The following SCN2A variants were observed in gnomAD, a reference collection of about 807,000 sequenced individuals.
SCN2A encodes sodium voltage-gated channel alpha subunit 2.
SCN2A carries 20 observed loss-of-function variants against 188.7 expected under a neutral mutation model. The observed-to-expected ratio is 0.11, with a 90% confidence interval of 0.07 to 0.15. SCN2A has a LOEUF of 0.15. SCN2A is among the 10% of genes least tolerant of loss of function. SCN2A has a pLI of 1.00. For synonymous variants in SCN2A, 804 were observed against 833.1 expected (o/e 0.97, Z 0.60); for missense variants, 1,278 against 2,445.0 (o/e 0.52, Z 10.07).
intron 5 of SCN2A, 71 bp from the exon 6 acceptor site, chr2:165,309,281 G>T: frequency 1.2e-6 from 2 of 1,612,396 alleles, no homozygotes; most frequent in East Asian, 2.2e-5. Flanking sequence ...GTATAAGGTG[G>T]TAGGCCCCTT....
intron 1 of SCN2A, chr2:165,294,087 G>T: frequency 1.0e-6 from 1 of 967,522 alleles, no homozygotes; most frequent in Non-Finnish European, 1.2e-6. Flanking sequence ...CAGTCTTCTT[G>T]GTGCCAGCTT....
At chr2:165,388,376 T>C (rs1434268814) in intron 26 of SCN2A, among the ~76,000 whole-genome samples, 1 of 152,168 alleles carries the variant, frequency 6.6e-6, no homozygotes, top group African/African-American at 2.4e-5. Flanking sequence ...CAGGGTTGAG[T>C]CATTTTTTTG....
At chr2:165,358,042 A>C (rs991247266) in intron 17 of SCN2A, among the ~76,000 whole-genome samples, 2 of 152,328 alleles carry the variant, frequency 1.3e-5, no homozygotes, top group East Asian at 1.9e-4. Context: ...TAACTTAAAA[A>C]AAAGTGATTT....
chr2:165,278,561 A>G (rs561913172), intron 1 of SCN2A, among the ~76,000 whole-genome samples: 1 of 152,212 alleles, frequency 6.6e-6, no homozygotes, highest in African/African-American at 2.4e-5. Context: ...CTCGGGGATT[A>G]TGGAGATTAC....
At chr2:165,328,342 C>T (rs137959054) in intron 13 of SCN2A, 2 of 189,676 alleles carry the variant, frequency 1.1e-5, no homozygotes, top group South Asian at 1.8e-4. Flanking sequence ...ACCTCGCCTG[C>T]GTTAGCTTGC....
intron 1 of SCN2A, among the ~76,000 whole-genome samples, chr2:165,256,525 T>G (rs1461065066): frequency 6.6e-6 from 1 of 152,200 alleles, no homozygotes; most frequent in Non-Finnish European, 1.5e-5. Context: ...AATTAACTTT[T>G]TACTCTGAGA....
At chr2:165,296,121 C>A in intron 2 of SCN2A, 31 bp downstream of exon 2, 1 of 1,600,778 alleles carries the variant, frequency 6.2e-7, no homozygotes, top group Non-Finnish European at 8.6e-7. Context: ...CCTTCACTGC[C>A]TATTTACTAA....
chr2:165,250,345 C>T (rs1324458392), intron 1 of SCN2A, among the ~76,000 whole-genome samples: 3 of 151,828 alleles, frequency 2.0e-5, no homozygotes, highest in Admixed American at 2.0e-4. Context: ...AATACAACTG[C>T]CTTTAATAGC....
chr2:165,303,616 A>G (rs1696961120), intron 3 of SCN2A, among the ~76,000 whole-genome samples: 1 of 152,070 alleles, frequency 6.6e-6, no homozygotes, highest in South Asian at 2.1e-4. Flanking sequence ...TATTTCAGTC[A>G]CTCACCAGAA....
intron 25 of SCN2A, among the ~76,000 whole-genome samples, chr2:165,381,664 C>T (rs1368282678): frequency 6.6e-6 from 1 of 151,808 alleles, no homozygotes; most frequent in Admixed American, 6.6e-5. Flanking sequence ...TTGCTTTTTT[C>T]TGGTTAAACA....
At chr2:165,380,822 AG>A (rs1432231008) in intron 24 of SCN2A, 93 bp downstream of exon 24, 36 of 1,033,512 alleles carry the variant, frequency 3.5e-5, no homozygotes, top group Non-Finnish European at 4.4e-5. Flanking sequence ...CACCAAAAAA[AG>A]AATATAAAAT....
intron 14 of SCN2A, among the ~76,000 whole-genome samples, chr2:165,341,589 G>C (rs1699324222): frequency 6.6e-6 from 1 of 152,156 alleles, no homozygotes; most frequent in South Asian, 2.1e-4. Flanking sequence ...AGAAGAGAAA[G>C]GCAAAGCACA....
intron 11 of SCN2A, among the ~76,000 whole-genome samples, chr2:165,319,263 G>T (rs749084851): frequency 7.2e-5 from 11 of 152,132 alleles, no homozygotes; most frequent in Non-Finnish European, 1.3e-4. Flanking sequence ...TGTGAACCTG[G>T]GAGGTGGAGC....
chr2:165,239,524 C>G lies in SCN2A; in HGVS notation c.-168C>G. ...TTTTTCTTCTTTAATGAGGATAGAG[C>G]ACATGTGAGATTTTACTTTCTACTC... On this transcript the variant is annotated 5_prime_UTR_variant, in exon 1 of 27. Coordinates refer to ENST00000375437, the MANE Select transcript of SCN2A (RefSeq NM_001040142.2). The G allele has an allele frequency of 1.5e-5, 7 of 482,042 alleles. No homozygotes were observed. Among genetic ancestry groups the G allele is most frequent in the Non-Finnish European group, 1.6e-5 (6 of 370,370 alleles). The allele number at this position is 482,042 out of a possible 1,614,324, so 29.9% of individuals were successfully genotyped here.
At chr2:165,333,865 T>C (rs1333868921) in intron 14 of SCN2A, among the ~76,000 whole-genome samples, 3 of 150,634 alleles carry the variant, frequency 2.0e-5, no homozygotes, top group African/African-American at 7.3e-5. Flanking sequence ...AATTGACAAA[T>C]CTTTAGTTGG....
rs1472881425 is a variant in SCN2A, at chr2:165,390,233, A to G, written c.*409A>G. 1 of 198,410 alleles carries G rather than the reference A, an allele frequency of 5.0e-6. No individual in the cohort carries two copies. The highest frequency in any genetic ancestry group is 1.0e-5 in the Non-Finnish European group (1 of 95,662). 12.3% of individuals were successfully genotyped at this position (198,410 alleles called of 1,614,324 possible). A position where few individuals can be genotyped will look rare whatever the true frequency, so the allele number is the denominator to read the frequency against. On this transcript the variant is annotated 3_prime_UTR_variant, in exon 27 of 27. Transcript: ENST00000375437. Reference sequence around the variant, plus strand: ...TATTTTTACAAAACGTGTGCTGTGAATTTATCACTTTTCTTTTTAATTCAC... The same window carrying G: ...TATTTTTACAAAACGTGTGCTGTGAGTTTATCACTTTTCTTTTTAATTCAC...
chr2:165,241,167 T>A (rs971155668), intron 1 of SCN2A: 3 of 152,076 alleles, frequency 2.0e-5, no homozygotes, highest in Non-Finnish European at 2.9e-5. Context: ...TGCATGTGTG[T>A]GTGTGTTTGG....
At position 165,350,134 on chromosome 2, in the gene SCN2A, G is replaced by GA. The variant is rs895553865; in HGVS notation, c.2920-4053dup. 3.8e-4 allele frequency among the ~76,000 whole-genome samples: 58 copies of GA among 152,270 alleles called. 1 individual carries two copies. Among genetic ancestry groups the GA allele is most frequent in the African/African-American group, 1.3e-3 (56 of 41,550 alleles). ...TCATTGGTTGAAGATAGGTGCTGCA[G>GA]AAAAAGAATGTGACTTTCTGAAAAC... is the stretch of plus-strand genomic sequence containing the variant. On this transcript the variant is annotated intron_variant, in intron 16 of 26. Coordinates refer to ENST00000375437, the MANE Select transcript of SCN2A (RefSeq NM_001040142.2).
In SCN2A at chr2:165,326,979, T is replaced by C; in HGVS notation, c.2144T>C (p.Met715Thr). Residue 715 changes from methionine to threonine, a missense_variant, in exon 13 of 27, where the codon ATG (methionine) becomes ACG (threonine). By Grantham distance (81) the Met-to-Thr change is moderately conservative. This residue lies in a region of SCN2A where 315 missense variants were observed against 386.6 expected (regional missense o/e 0.81). Transcript: ENST00000375437. ...MSIASILTNT[M>T]EELEESRQKC... ...ATAGCCAGTATTTTGACCAACACCATGGAAGGTATGTTAAAAGTCCTGCGT... is the reference window on the plus strand; with the variant it reads ...ATAGCCAGTATTTTGACCAACACCACGGAAGGTATGTTAAAAGTCCTGCGT... 1 of 1,613,950 alleles carries C rather than the reference T, an allele frequency of 6.2e-7. No individual in the cohort carries two copies. The highest frequency in any genetic ancestry group is 8.5e-7 in the Non-Finnish European group (1 of 1,179,852).
Sources: gnomAD v4.1 joint callset for allele counts (sites outside exome capture counted in the v4.1 genomes callset) on GRCh38, gnomAD v4.1.1 for gene constraint, gnomAD v4.1.1 regional missense constraint, MANE v1.5 for transcripts, NCBI Gene and HGNC (gene_info 2026-07-23, HGNC 2026-07-21) for gene names.